The following ABCC4 variants were observed in gnomAD, a reference collection of about 807,000 sequenced individuals.
ABCC4 encodes ATP binding cassette subfamily C member 4 (PEL blood group), also known as ATP-binding cassette sub-family C member 4.
Under a neutral mutation model 168.5 loss-of-function variants are expected in ABCC4, and 102 were observed. The observed-to-expected ratio is 0.61, with a 90% CI of 0.52 to 0.71. The LOEUF is 0.71. Ranked by LOEUF, ABCC4 falls within the 30% of genes least tolerant of loss-of-function variation. The pLI, the probability that ABCC4 is intolerant of heterozygous loss-of-function variation, is 0.00. For missense variants in ABCC4, 1,402 were observed against 1,605.8 expected, an observed-to-expected ratio of 0.87 and a Z score of 2.17; for synonymous variants, 617 against 590.7, an observed-to-expected ratio of 1.04 and a Z score of -0.65.
intron 15 of ABCC4, 103 bp downstream of exon 15, chr13:95,166,055 C>T (rs2037259913): frequency 1.7e-6 from 2 of 1,153,840 alleles, no homozygotes; most frequent in Admixed American, 2.1e-5. Context: ...ACAGAATCCA[C>T]TTTGGGACAA....
intron 4 of ABCC4, among the ~76,000 whole-genome samples, chr13:95,229,831 T>G (rs1318597956): frequency 6.6e-6 from 1 of 152,126 alleles, no homozygotes; most frequent in African/African-American, 2.4e-5. Flanking sequence ...GGGCTGAAGA[T>G]CTTCAGCTAT....
Position 95,073,273 on chromosome 13 carries a change from C to T in ABCC4, c.2949G>A (p.Leu983=). The change falls in exon 24 of 31, where the codon CTG becomes CTA. Residue 983 remains leucine, a synonymous_variant. Coordinates refer to ENST00000645237, the MANE Select transcript of ABCC4 (RefSeq NM_005845.5). The part of the protein sequence containing the change: ...TLDAGQVGLA[L]SYALTLMGMF... ...TCCCCATGAGCGTGAGGGCATAGGACAGTGCCAAACCAACCTGCCCGGCAT... is the reference window on the plus strand; with the variant it reads ...TCCCCATGAGCGTGAGGGCATAGGATAGTGCCAAACCAACCTGCCCGGCAT... 1 of 1,613,744 alleles carries T rather than the reference C, an allele frequency of 6.2e-7. No homozygotes were observed.
intron 3 of ABCC4, among the ~76,000 whole-genome samples, chr13:95,243,877 C>T (rs1393796809): frequency 6.8e-6 from 1 of 147,384 alleles, no homozygotes; most frequent in Non-Finnish European, 1.5e-5. Flanking sequence ...CAGAGTGAGA[C>T]CCCACCTCAG....
In ABCC4 at chr13:95,025,381, ACCCT is replaced by A. The variant is rs1290221828; in HGVS notation, c.3871-3703_3871-3700del. Among the ~76,000 whole-genome samples the A allele has an allele frequency of 3.2e-3, 60 of 18,764 alleles. 2 individuals are homozygous for A. Among genetic ancestry groups the A allele is most frequent in the African/African-American group, 0.018 (57 of 3,132 alleles). 12.3% of individuals were successfully genotyped at this position (18,764 alleles called of 152,430 possible). On this transcript the variant is annotated intron_variant, in intron 30 of 30. Coordinates refer to ENST00000645237, the MANE Select transcript of ABCC4 (RefSeq NM_005845.5). ...CCACACACACCCACACCCCACACAC[ACCCT>A]CCCACCCCCACACACATACCCCCAC...
rs181436224 is a variant in ABCC4 at position 95,256,493 on chromosome 13, C to T, written c.75-8740G>A. ...GCCATTGGCCGGGGACTGTGGCTCA[C>T]GCCTGTAATCCCAACACCTTGGGAG... On this transcript the variant is annotated intron_variant, in intron 1 of 30. Transcript: ENST00000645237. Among the ~76,000 whole-genome samples, 18 of 152,316 alleles carry T rather than the reference C, an allele frequency of 1.2e-4. 1 individual carries two copies. The highest frequency in any genetic ancestry group is 1.9e-4 in the East Asian group (1 of 5,188).
At chr13:95,059,133 G>A (rs576662603) in intron 26 of ABCC4, among the ~76,000 whole-genome samples, 12 of 152,298 alleles carry the variant, frequency 7.9e-5, no homozygotes, top group Admixed American at 2.0e-4. Context: ...CGGGGACTGC[G>A]CCAGCCAACA....
chr13:95,042,589 A>G (rs2032408144), intron 29 of ABCC4, among the ~76,000 whole-genome samples: 1 of 152,222 alleles, frequency 6.6e-6, no homozygotes, highest in African/African-American at 2.4e-5. Context: ...AGAGAAAAAA[A>G]TTAAGGTTCT....
At chr13:95,110,923 G>A (rs2035180509) in intron 20 of ABCC4, among the ~76,000 whole-genome samples, 1 of 148,934 alleles carries the variant, frequency 6.7e-6, no homozygotes, top group South Asian at 2.1e-4. Flanking sequence ...AGCTGAGACT[G>A]CGCCACTGCA....
chr13:95,157,137 C>T (rs1178415443), intron 19 of ABCC4, among the ~76,000 whole-genome samples: 2 of 140,912 alleles, frequency 1.4e-5, no homozygotes, highest in African/African-American at 5.5e-5. Flanking sequence ...CACAAACAGT[C>T]ACCATTTGTC....
chr13:95,293,944 G>A (rs2138959961), intron 1 of ABCC4, among the ~76,000 whole-genome samples: 1 of 152,056 alleles, frequency 6.6e-6, no homozygotes, highest in South Asian at 2.1e-4. Context: ...CATGAAAGAA[G>A]GCAGGGTGCC....
chr13:95,294,046 G>A (rs1271919092), intron 1 of ABCC4, among the ~76,000 whole-genome samples: 3 of 151,998 alleles, frequency 2.0e-5, no homozygotes, highest in Non-Finnish European at 4.4e-5. Context: ...ACTGTATCGT[G>A]CAAATAATGC....
chr13:95,290,248 A>T (rs1012726077), intron 1 of ABCC4, among the ~76,000 whole-genome samples: 8 of 152,176 alleles, frequency 5.3e-5, no homozygotes, highest in African/African-American at 1.9e-4. Context: ...TGTCCAGGTG[A>T]TCCAATCATG....
rs2033163283 is a variant in ABCC4, at chr13:95,058,594, A to AAAAAG, written c.3366+4109_3366+4110insCTTTT. On this transcript the variant is annotated intron_variant, in intron 26 of 30. Coordinates refer to ENST00000645237, the MANE Select transcript of ABCC4 (RefSeq NM_005845.5). ...AAAAAAAAAAAAAAAAAAAAAAAAG[A>AAAAAG]AAAGAAAAAGAAAAAGAAAAGAAAA... Among the ~76,000 whole-genome samples, 331 of 41,274 alleles carry AAAAAG rather than the reference A, an allele frequency of 8.0e-3. 17 individuals carry two copies. Among genetic ancestry groups the AAAAAG allele is most frequent in the South Asian group, 0.015 (10 of 658 alleles). The allele number at this position is 41,274 out of a possible 152,430, so 27.1% of individuals were successfully genotyped here.
chr13:95,247,208 C>A, intron 2 of ABCC4, 113 bp from the exon 3 acceptor site: 1 of 1,218,602 alleles, frequency 8.2e-7, no homozygotes, highest in Non-Finnish European at 1.2e-6. Context: ...GTGACGATTT[C>A]ATAAATGCTA....
intron 4 of ABCC4, among the ~76,000 whole-genome samples, chr13:95,225,147 T>TCACACA (rs777506746): frequency 9.9e-6 from 1 of 100,700 alleles, no homozygotes; most frequent in African/African-American, 3.8e-5. Flanking sequence ...TCTGTCTCTC[T>TCACACA]CTCTCTCACA....
rs74791915 is a variant in ABCC4, at chr13:95,131,996, C to T, written c.2456-15995G>A. Reference sequence around the variant, plus strand: ...TACGGGGGTCTAAAAGAGATATGCGCACACTCATGTTCACAGCAGCACTAT... The same window carrying T: ...TACGGGGGTCTAAAAGAGATATGCGTACACTCATGTTCACAGCAGCACTAT... On this transcript the variant is annotated intron_variant, in intron 19 of 30. Transcript: ENST00000645237. 4.7e-4 allele frequency among the ~76,000 whole-genome samples: 72 copies of T among 152,224 alleles called. No individual in the cohort carries two copies. In the East Asian group the frequency reaches 0.012, roughly 25 times the overall value.
intron 19 of ABCC4, among the ~76,000 whole-genome samples, chr13:95,140,857 C>A (rs547934342): frequency 1.3e-5 from 2 of 152,220 alleles, no homozygotes; most frequent in Non-Finnish European, 2.9e-5. Flanking sequence ...CCTACAGGAA[C>A]AAATATTCAT....
At chr13:95,186,563 T>C (rs920986822) in intron 11 of ABCC4, 138 bp downstream of exon 11, 1 of 676,926 alleles carries the variant, frequency 1.5e-6, no homozygotes, top group South Asian at 2.7e-5. Flanking sequence ...GTTTATTTAC[T>C]GGGAGGACCG....
At chr13:95,026,616 T>C (rs2031556534) in intron 30 of ABCC4, among the ~76,000 whole-genome samples, 1 of 152,022 alleles carries the variant, frequency 6.6e-6, no homozygotes, top group Non-Finnish European at 1.5e-5. Context: ...TGGCTGGGCA[T>C]AGTGGCACAC....
Sources: gnomAD v4.1 joint callset for allele counts (sites outside exome capture counted in the v4.1 genomes callset) on GRCh38, gnomAD v4.1.1 for gene constraint, MANE v1.5 for transcripts, NCBI Gene and HGNC (gene_info 2026-07-23, HGNC 2026-07-21) for gene names.